The following MAP3K12 variants were observed in gnomAD, a reference collection of about 807,000 sequenced individuals.
MAP3K12 encodes the protein mitogen-activated protein kinase kinase kinase 12.
A neutral mutation model predicts 87.5 loss-of-function variants in MAP3K12; 14 were observed. The observed-to-expected ratio is 0.16, with a 90% CI of 0.11 to 0.25. The LOEUF (loss-of-function observed/expected upper bound fraction) is 0.25, where lower values mean the gene tolerates loss of function less well. Ranked by LOEUF, MAP3K12 falls within the 10% of genes least tolerant of loss-of-function variation. The pLI is 1.00. For missense variants in MAP3K12, 802 were observed against 1,140.4 expected (o/e 0.70, Z 4.27); for synonymous variants, 469 against 452.5 (o/e 1.04, Z -0.46).
rs753221745 is a variant in MAP3K12 at position 53,479,869 on chromosome 12, T to C, written c.*1313A>G. 1.3e-5 allele frequency: 2 copies of C among 154,148 alleles called. No individual in the cohort carries two copies. The highest frequency in any genetic ancestry group is 2.9e-5 in the Non-Finnish European group (2 of 69,428). The allele number at this position is 154,148 out of a possible 1,614,324, so 9.5% of individuals were successfully genotyped here. On this transcript the variant is annotated 3_prime_UTR_variant, in exon 14 of 14. Coordinates refer to ENST00000547488, the MANE Select transcript of MAP3K12 (RefSeq NM_001193511.2). Reference sequence around the variant, plus strand: ...TTTTATTCCTCTTGTCTTGCTGTTATTTTTGTACCTTTTATCCCTCAAAGG... The same window carrying C: ...TTTTATTCCTCTTGTCTTGCTGTTACTTTTGTACCTTTTATCCCTCAAAGG...
chr12:53,490,204 T>C (rs139409816), intron 1 of MAP3K12, among the ~76,000 whole-genome samples: 3,012 of 152,128 alleles, frequency 0.02, 51 homozygotes, highest in South Asian at 0.069. Flanking sequence ...CTCAGGAGGC[T>C]GAGGCACGAG....
Position 53,483,436 on chromosome 12 carries a change from G to T in MAP3K12, c.1526C>A (p.Pro509His). 1 of 1,614,150 alleles carries T rather than the reference G, an allele frequency of 6.2e-7. No individual in the cohort carries two copies. The highest frequency in any genetic ancestry group is 1.3e-5 in the African/African-American group (1 of 75,026). The change falls in exon 10 of 14, where the codon CCT (proline) becomes CAT (histidine). Residue 509 changes from proline to histidine, a missense_variant. Coordinates refer to ENST00000547488, the MANE Select transcript of MAP3K12 (RefSeq NM_001193511.2). ...GTTTCCATGCAGGAGGCCCCGGGAAGGGTGTGGCTTCAGCAGGCCTGGGCA... is the reference window on the plus strand; with the variant it reads ...GTTTCCATGCAGGAGGCCCCGGGAATGGTGTGGCTTCAGCAGGCCTGGGCA... ...RRCPGLLKPHPSRGLLHGNTM... is the reference protein window; with the variant it reads ...RRCPGLLKPHHSRGLLHGNTM...
chr12:53,482,837 G>A lies in MAP3K12; in HGVS notation c.1966C>T (p.Arg656Trp), dbSNP rs746760854. Residue 656 changes from arginine to tryptophan, a missense_variant, in exon 11 of 14, where the codon CGG (arginine) becomes TGG (tryptophan). Coordinates refer to ENST00000547488, the MANE Select transcript of MAP3K12 (RefSeq NM_001193511.2). ...TCCCCAGCTCCGCCTGTGGCCCCCC[G>A]GCCCCGGGACCCTAGTGCTGCTGAC... ...LLSAALGSRG[R>W]GATGGAGDPG... 10 of 1,611,260 alleles carry A rather than the reference G, an allele frequency of 6.2e-6. No individual in the cohort carries two copies. Among genetic ancestry groups the A allele is most frequent in the South Asian group, 1.1e-5 (1 of 90,906 alleles).
intron 1 of MAP3K12, chr12:53,493,729 A>G (rs996945492): frequency 1.3e-5 from 2 of 152,186 alleles, no homozygotes; most frequent in Non-Finnish European, 2.9e-5. Context: ...TTCAGCCGTC[A>G]TCTGGTTGTT....
intron 6 of MAP3K12, 119 bp from the exon 7 acceptor site, chr12:53,484,484 CAAAA>C (rs1943169693): frequency 4.4e-6 from 3 of 688,518 alleles, no homozygotes; most frequent in Non-Finnish European, 7.6e-6. Flanking sequence ...TACTCTGTGA[CAAAA>C]GAACTTATGG....
intron 1 of MAP3K12, among the ~76,000 whole-genome samples, chr12:53,492,525 A>C (rs1943442145): frequency 6.6e-6 from 1 of 152,156 alleles, no homozygotes; most frequent in Non-Finnish European, 1.5e-5. Flanking sequence ...TGAAGGAGGT[A>C]CTACTGGTCC....
rs144990636 is a variant in MAP3K12, at chr12:53,496,593, C to T, written c.-38+2834G>A. ...GATGTTAACAAATATAGTTCCTCAA[C>T]GGGATGGGCATTTTTAAAAATCTGG... On this transcript the variant is annotated intron_variant, in intron 1 of 13. Transcript: ENST00000547488. Among the ~76,000 whole-genome samples the T allele has an allele frequency of 7.2e-5, 11 of 152,266 alleles. No homozygotes were observed. The East Asian group carries it at 9.6e-4, about 13-fold the overall frequency.
chr12:53,481,114 T>C lies in MAP3K12; in HGVS notation c.*68A>G. The C allele has an allele frequency of 1.6e-6, 1 of 617,118 alleles. No homozygotes were observed. 38.2% of individuals were successfully genotyped at this position (617,118 alleles called of 1,614,324 possible). A position where few individuals can be genotyped will look rare whatever the true frequency, so the allele number is the denominator to read the frequency against. On this transcript the variant is annotated 3_prime_UTR_variant, in exon 14 of 14. Transcript: ENST00000547488. ...TTCTGTTGATTATGTGGCGCATATA[T>C]ATATATATATGTATATATATATAAT...
chr12:53,486,307 C>G lies in MAP3K12; in HGVS notation c.630-60G>C. On this transcript the variant is annotated intron_variant, in intron 3 of 13. Coordinates refer to ENST00000547488, the MANE Select transcript of MAP3K12 (RefSeq NM_001193511.2). The surrounding 1 kb of genome is among the most constrained non-coding windows in gnomAD (Gnocchi z 4.9). ...GGCTCAGCATTCACCTGATTCATACCTGGAACCCCCATTCCCACCCATTCC... is the reference window on the plus strand; with the variant it reads ...GGCTCAGCATTCACCTGATTCATACGTGGAACCCCCATTCCCACCCATTCC... The G allele has an allele frequency of 6.4e-7, 1 of 1,553,952 alleles. No individual in the cohort carries two copies. Among genetic ancestry groups the G allele is most frequent in the Admixed American group, 1.8e-5 (1 of 54,754 alleles).
At chr12:53,482,399 G>C in intron 11 of MAP3K12, 30 bp from the exon 12 acceptor site, 1 of 1,612,220 alleles carries the variant, frequency 6.2e-7, no homozygotes, top group Non-Finnish European at 8.5e-7. Context: ...GGGGGGGTCT[G>C]ATTAGAAGTG....
chr12:53,501,210 A>T, upstream of MAP3K12: 1 of 597,208 alleles, frequency 1.7e-6, no homozygotes, highest in Non-Finnish European at 2.9e-6. Context: ...ACGCACGCAG[A>T]GGGTTGTGGG....
At chr12:53,483,561 G>A (rs1275194335) in intron 9 of MAP3K12, 46 bp downstream of exon 9, 19 of 1,613,716 alleles carry the variant, frequency 1.2e-5, no homozygotes, top group Non-Finnish European at 1.5e-5. Context: ...GACCTCTAAG[G>A]CAGGCACAGC....
intron 10 of MAP3K12, 72 bp downstream of exon 10, chr12:53,483,277 T>G: frequency 6.3e-7 from 1 of 1,581,070 alleles, no homozygotes. Context: ...AGTACACATC[T>G]CCCTGCTAAT....
chr12:53,482,407 G>A (rs761326411), intron 11 of MAP3K12, 38 bp from the exon 12 acceptor site: 1 of 1,610,910 alleles, frequency 6.2e-7, no homozygotes, highest in East Asian at 2.2e-5. Context: ...CTGATTAGAA[G>A]TGGAAAGAGG....
intron 1 of MAP3K12, among the ~76,000 whole-genome samples, chr12:53,496,224 G>T (rs994048049): frequency 1.3e-5 from 2 of 152,184 alleles, no homozygotes; most frequent in Non-Finnish European, 2.9e-5. Flanking sequence ...TCAGGTTCCA[G>T]TAGAACCAGG....
rs368607330 is a variant in MAP3K12 at position 53,482,966 on chromosome 12, G to A, written c.1837C>T (p.Leu613=). The A allele has an allele frequency of 6.3e-6, 10 of 1,586,930 alleles. No homozygotes were observed. The highest frequency in any genetic ancestry group is 1.3e-5 in the African/African-American group (1 of 74,150). Residue 613 remains leucine, a synonymous_variant, in exon 11 of 14, where the codon CTA becomes TTA. Transcript: ENST00000547488. ...EPGGPGSPGG[L]GGGPSAWEAC... is the part of the protein sequence containing the mutation. ...TCCCAGGCTGAGGGTCCCCCTCCTAGGCCCCCTGGGCTTCCTGGTCCTCCA... is the reference window on the plus strand; with the variant it reads ...TCCCAGGCTGAGGGTCCCCCTCCTAAGCCCCCTGGGCTTCCTGGTCCTCCA...
Position 53,482,572 on chromosome 12 carries a change from C to G in MAP3K12, c.2231G>C (p.Arg744Pro), listed in dbSNP as rs761778000. Reference protein sequence around the residue: ...AALLYRAAVTRSQKRGISSEE... With the variant: ...AALLYRAAVTPSQKRGISSEE... The stretch of plus-strand genomic sequence containing the variant: ...AGCCTTCCCATACTTTACCTGACTT[C>G]GGGTGACGGCAGCCCTGTACAGCAG... Residue 744 changes from arginine to proline, a missense_variant, in exon 11 of 14, where the codon CGA (arginine) becomes CCA (proline). Physicochemically the swap from Arg to Pro is moderately radical, Grantham distance 103. Transcript: ENST00000547488. The G allele has an allele frequency of 6.2e-7, 1 of 1,604,028 alleles. No individual in the cohort carries two copies. The highest frequency in any genetic ancestry group is 8.5e-7 in the Non-Finnish European group (1 of 1,175,148).
chr12:53,484,908 A>G (rs1054941904), intron 6 of MAP3K12, 148 bp downstream of exon 6: 69 of 987,280 alleles, frequency 7.0e-5, no homozygotes, highest in Non-Finnish European at 1.0e-4. Flanking sequence ...CTGGTGACTC[A>G]GCTCAGAAGG....
intron 6 of MAP3K12, 147 bp downstream of exon 6, chr12:53,484,909 G>C: frequency 9.8e-7 from 1 of 1,021,116 alleles, no homozygotes; most frequent in Non-Finnish European, 1.4e-6. Context: ...TGGTGACTCA[G>C]CTCAGAAGGT....
Sources: allele counts gnomAD v4.1 joint callset (sites outside exome capture counted in the v4.1 genomes callset), GRCh38; gene constraint gnomAD v4.1.1; non-coding constraint Gnocchi (gnomAD v3.1); transcripts MANE v1.5; gene names NCBI Gene and HGNC (gene_info 2026-07-23, HGNC 2026-07-21).